The following MED12L variants were observed in gnomAD, a reference collection of about 807,000 sequenced individuals.
MED12L encodes the protein mediator of RNA polymerase II transcription subunit 12-like protein.
In MED12L, 60 loss-of-function variants were observed where a neutral mutation model predicts 281.3. That is an observed-to-expected ratio of 0.21 (90% confidence interval 0.17 to 0.26). The LOEUF is 0.26. Among genes scored for constraint, MED12L ranks in the 10% least tolerant of loss-of-function variants. The pLI is 1.00. For synonymous variants in MED12L, 974 were observed against 987.2 expected (o/e 0.99, Z 0.25); for missense variants, 2,146 against 2,680.9 (o/e 0.80, Z 4.41).
intron 16 of MED12L, among the ~76,000 whole-genome samples, chr3:151,225,306 C>T (rs1730268259): frequency 6.6e-6 from 1 of 152,172 alleles, no homozygotes; most frequent in South Asian, 2.1e-4. Flanking sequence ...GCTGCTATAA[C>T]AATACTACGT....
intron 16 of MED12L, among the ~76,000 whole-genome samples, chr3:151,251,649 G>A (rs932304592): frequency 3.9e-5 from 6 of 152,166 alleles, no homozygotes; most frequent in Non-Finnish European, 7.3e-5. Context: ...GCCTTGGTCT[G>A]TATATCACAG....
intron 2 of MED12L, among the ~76,000 whole-genome samples, chr3:151,112,300 A>C (rs906870885): frequency 3.4e-5 from 4 of 118,004 alleles, no homozygotes; most frequent in African/African-American, 1.4e-4. Flanking sequence ...TTTTTTTTTG[A>C]GATGGAGTCT....
chr3:151,160,497 G>A (rs2700473), intron 8 of MED12L, among the ~76,000 whole-genome samples: 61,725 of 152,014 alleles, frequency 0.41, 15,222 homozygotes, highest in Non-Finnish European at 0.54. Context: ...ATCGTATCGG[G>A]TTCCGTTCGT....
intron 44 of MED12L, among the ~76,000 whole-genome samples, chr3:151,430,906 A>G (rs1719428387): frequency 6.6e-6 from 1 of 150,978 alleles, no homozygotes; most frequent in Non-Finnish European, 1.5e-5. Flanking sequence ...TTTTCTCCCT[A>G]GTAATCTTGC....
intron 16 of MED12L, among the ~76,000 whole-genome samples, chr3:151,273,806 TG>T (rs2149573515): frequency 6.6e-6 from 1 of 152,302 alleles, no homozygotes; most frequent in Admixed American, 6.5e-5. Context: ...ATTTCTTAAT[TG>T]GGGTAGGAGT....
intron 10 of MED12L, 41 bp downstream of exon 10, chr3:151,165,560 G>A (rs1054919609): frequency 6.0e-6 from 9 of 1,510,804 alleles, no homozygotes; most frequent in Non-Finnish European, 8.3e-6. Flanking sequence ...TTGAATGTTG[G>A]ACTTTATGCT....
At chr3:151,241,918 T>TGG in intron 16 of MED12L, 1 of 152,468 alleles carries the variant, frequency 6.6e-6, no homozygotes, top group East Asian at 1.9e-4. Context: ...CGCAGGTCAG[T>TGG]GGGTGCGCGA....
chr3:151,198,895 A>C (rs1725086152), intron 16 of MED12L: 1 of 1,613,908 alleles, frequency 6.2e-7, no homozygotes, highest in African/African-American at 1.3e-5. Context: ...ACTCCATACA[A>C]CCCACATTTG....
intron 43 of MED12L, among the ~76,000 whole-genome samples, chr3:151,419,793 GT>G (rs1718032030): frequency 6.6e-6 from 1 of 152,128 alleles, no homozygotes; most frequent in African/African-American, 2.4e-5. Context: ...ATTACATAAA[GT>G]TAACAATGCT....
At chr3:151,247,959 C>CTTT (rs1407147027) in intron 16 of MED12L, among the ~76,000 whole-genome samples, 7 of 65,452 alleles carry the variant, frequency 1.1e-4, no homozygotes, top group African/African-American at 4.3e-4. Flanking sequence ...TCTTCTTCTT[C>CTTT]TTCTTTTTTT....
intron 38 of MED12L, among the ~76,000 whole-genome samples, chr3:151,390,431 A>G: frequency 6.6e-6 from 1 of 152,258 alleles, no homozygotes; most frequent in East Asian, 1.9e-4. Flanking sequence ...AAATGTGTGT[A>G]TTTTTATCAG....
chr3:151,305,122 T>G (rs1038108925), intron 16 of MED12L, among the ~76,000 whole-genome samples: 1 of 152,234 alleles, frequency 6.6e-6, no homozygotes, highest in African/African-American at 2.4e-5. Context: ...GTGCTTTTAC[T>G]ACAGTGGCTC....
chr3:151,206,035 C>CCCAA (rs1367085564), intron 16 of MED12L, among the ~76,000 whole-genome samples: 3 of 151,756 alleles, frequency 2.0e-5, no homozygotes, highest in African/African-American at 7.3e-5. Context: ...CTCTCTATAG[C>CCCAA]CGTTGTGCTT....
At chr3:151,393,001 A>G (rs765002686) in intron 38 of MED12L, among the ~76,000 whole-genome samples, 3 of 152,218 alleles carry the variant, frequency 2.0e-5, no homozygotes, top group African/African-American at 4.8e-5. Flanking sequence ...TGTTGCTTCA[A>G]TAGAAGTTAC....
Position 151,160,023 on chromosome 3 carries a change from C to G in MED12L, c.1029C>G (p.Pro343=), listed in dbSNP as rs764762756. 2.5e-6 allele frequency: 4 copies of G among 1,614,200 alleles called. No homozygotes were observed. The highest frequency in any genetic ancestry group is 2.2e-5 in the East Asian group (1 of 44,882). ...GCCCCCCCGGCCCTGGCATGAGCCC[C>G]GTGCAGCTGGCCTTCTCAGATTTTC... ...SPGPPGPGMS[P]VQLAFSDFLS... Residue 343 remains proline (P), a synonymous_variant, in exon 8 of 45, where the codon CCC becomes CCG. Coordinates refer to ENST00000687756, the MANE Select transcript of MED12L (RefSeq NM_001393769.1).
intron 16 of MED12L, among the ~76,000 whole-genome samples, chr3:151,287,268 A>G (rs1267687789): frequency 6.6e-6 from 1 of 152,180 alleles, no homozygotes; most frequent in Non-Finnish European, 1.5e-5. Context: ...CAGATGGCAC[A>G]AAGTAAGAGG....
chr3:151,349,002 G>C (rs1181106567), intron 16 of MED12L, among the ~76,000 whole-genome samples: 1 of 152,236 alleles, frequency 6.6e-6, no homozygotes. Flanking sequence ...GATGCTGTTG[G>C]GAAGGGTAAG....
chr3:151,334,337 A>C (rs1341279569), intron 16 of MED12L, among the ~76,000 whole-genome samples: 1 of 151,514 alleles, frequency 6.6e-6, no homozygotes, highest in Non-Finnish European at 1.5e-5. Context: ...ACAGTATTGT[A>C]ATCACACCTT....
chr3:151,139,684 C>T (rs535352331), intron 5 of MED12L, among the ~76,000 whole-genome samples: 1 of 152,248 alleles, frequency 6.6e-6, no homozygotes, highest in South Asian at 2.1e-4. Flanking sequence ...GCTGAATGTT[C>T]ATCATCTTCC....
Sources: allele counts gnomAD v4.1 joint callset (sites outside exome capture counted in the v4.1 genomes callset), GRCh38; gene constraint gnomAD v4.1.1; transcripts MANE v1.5; gene names NCBI Gene and HGNC (gene_info 2026-07-23, HGNC 2026-07-21).